FSTL4: variants seen among roughly 807,000 people sequenced by gnomAD.
The protein encoded by FSTL4 is follistatin-related protein 4.
Under a neutral mutation model 78.2 loss-of-function variants are expected in FSTL4, and 28 were observed. The observed-to-expected ratio is 0.36, with a 90% CI of 0.27 to 0.49. FSTL4 has a LOEUF of 0.49. Among genes scored for constraint, FSTL4 ranks in the 20% least tolerant of loss-of-function variants. The pLI, the probability that FSTL4 is intolerant of heterozygous loss-of-function variation, is 0.98. For missense variants in FSTL4, 922 were observed against 1,084.9 expected, an observed-to-expected ratio of 0.85 and a Z score of 2.11; for synonymous variants, 422 against 440.5, an observed-to-expected ratio of 0.96 and a Z score of 0.53.
At chr5:133,799,916 T>C in the FSTL4 span, among the ~76,000 whole-genome samples, 1 of 139,468 alleles carries the variant, frequency 7.2e-6, no homozygotes, top group Non-Finnish European at 1.6e-5. Context: ...GAAAGGCACC[T>C]GGTGATGTTC....
the FSTL4 span, among the ~76,000 whole-genome samples, chr5:133,754,048 T>C: frequency 1.3e-4 from 20 of 152,296 alleles, no homozygotes; most frequent in Admixed American, 3.9e-4. Context: ...GTACCATTCG[T>C]GCCCTGAGGA....
At chr5:133,697,440 A>G in the FSTL4 span, among the ~76,000 whole-genome samples, 1 of 152,146 alleles carries the variant, frequency 6.6e-6, no homozygotes, top group Non-Finnish European at 1.5e-5. Context: ...CCCAATGACA[A>G]ATATACACAT....
Position 133,220,739 on chromosome 5 carries a change from G to A in FSTL4, c.1458+9C>T. 1 of 1,410,570 alleles carries A rather than the reference G, an allele frequency of 7.1e-7. No homozygotes were observed. 87.4% of individuals were successfully genotyped at this position (1,410,570 alleles called of 1,614,324 possible). A position where few individuals can be genotyped will look rare whatever the true frequency, so the allele number is the denominator to read the frequency against. On this transcript the variant is annotated intron_variant, in intron 12 of 15. Transcript: ENST00000265342. ...TGATGTAGAAGCTGCCCCAGGCACA[G>A]TTACTTACATAGCTCATGAAAATCT... is the stretch of plus-strand genomic sequence containing the variant.
intron 4 of FSTL4, among the ~76,000 whole-genome samples, chr5:133,319,676 G>A (rs143618307): frequency 1.6e-4 from 25 of 152,308 alleles, no homozygotes; most frequent in East Asian, 5.8e-4. Flanking sequence ...GTGTGGCACC[G>A]TACATCATGC....
intron 3 of FSTL4, among the ~76,000 whole-genome samples, chr5:133,552,800 C>T (rs537603725): frequency 2.6e-5 from 4 of 152,198 alleles, no homozygotes; most frequent in East Asian, 3.9e-4. Flanking sequence ...TGTGGCTCAA[C>T]GAAAGTTCAG....
At chr5:133,232,621 G>A (rs1251188816) in intron 8 of FSTL4, among the ~76,000 whole-genome samples, 1 of 152,220 alleles carries the variant, frequency 6.6e-6, no homozygotes, top group Non-Finnish European at 1.5e-5. Flanking sequence ...ACGAGGTTGA[G>A]GCAGCCAGCA....
the FSTL4 span, among the ~76,000 whole-genome samples, chr5:133,638,570 C>T: frequency 3.9e-5 from 6 of 152,180 alleles, no homozygotes; most frequent in Non-Finnish European, 8.8e-5. Flanking sequence ...CTCACTCCCT[C>T]CTCTTCCAGA....
chr5:133,421,511 T>TC (rs34771201), intron 3 of FSTL4, among the ~76,000 whole-genome samples: 37,956 of 152,226 alleles, frequency 0.25, 4,997 homozygotes, highest in Admixed American at 0.3. Context: ...GATAAGAGTT[T>TC]CCCCATTCGC....
chr5:133,763,322 C>CATCTTGG, the FSTL4 span, among the ~76,000 whole-genome samples: 1 of 152,202 alleles, frequency 6.6e-6, no homozygotes, highest in African/African-American at 2.4e-5. Context: ...AGCCCTTCAA[C>CATCTTGG]ATCTTGGAAT....
At chr5:133,321,095 C>A (rs1348056455) in intron 4 of FSTL4, among the ~76,000 whole-genome samples, 1 of 152,006 alleles carries the variant, frequency 6.6e-6, no homozygotes, top group Non-Finnish European at 1.5e-5. Context: ...TCACCCCAGT[C>A]AGCCCTGCCC....
chr5:133,803,645 G>A, the FSTL4 span, among the ~76,000 whole-genome samples: 1 of 152,214 alleles, frequency 6.6e-6, no homozygotes, highest in African/African-American at 2.4e-5. Context: ...TCTGGGTGGA[G>A]TAGGGATGCT....
At chr5:133,541,643 T>C (rs949467021) in intron 3 of FSTL4, among the ~76,000 whole-genome samples, 1 of 152,132 alleles carries the variant, frequency 6.6e-6, no homozygotes, top group African/African-American at 2.4e-5. Context: ...TAACATGTTT[T>C]TTTCTTTTTA....
At chr5:133,253,006 C>T (rs184043228) in intron 6 of FSTL4, among the ~76,000 whole-genome samples, 1 of 152,328 alleles carries the variant, frequency 6.6e-6, no homozygotes, top group East Asian at 1.9e-4. Context: ...CTGCTCCTGT[C>T]AGCTACATGA....
chr5:133,496,694 C>T (rs1758372998), intron 3 of FSTL4, among the ~76,000 whole-genome samples: 1 of 152,132 alleles, frequency 6.6e-6, no homozygotes, highest in Non-Finnish European at 1.5e-5. Flanking sequence ...GGGAGGTGAT[C>T]CTGGCCTGCT....
chr5:133,570,989 A>G (rs1434628172), intron 2 of FSTL4, among the ~76,000 whole-genome samples: 1 of 152,208 alleles, frequency 6.6e-6, no homozygotes, highest in Admixed American at 6.5e-5. Context: ...AAAGGAAACC[A>G]GAAAGAAGTG....
intron 3 of FSTL4, among the ~76,000 whole-genome samples, chr5:133,418,814 A>G (rs1756634002): frequency 6.6e-6 from 1 of 152,236 alleles, no homozygotes; most frequent in African/African-American, 2.4e-5. Flanking sequence ...TTCGACATAT[A>G]TGTACACCCA....
At position 133,424,583 on chromosome 5, in the gene FSTL4, T is replaced by A. The variant is rs147257820; in HGVS notation, c.161-23597A>T. Among the ~76,000 whole-genome samples the A allele has an allele frequency of 1.1e-4, 17 of 152,278 alleles. 1 individual carries two copies. Among genetic ancestry groups the A allele is most frequent in the Middle Eastern group, 6.8e-3 (2 of 294 alleles). Reference sequence around the variant, plus strand: ...TGTGCTGTCCCACGGCGTCTCCAGGTTGGTGACACTCAAGCACTACAGGAA... The same window carrying A: ...TGTGCTGTCCCACGGCGTCTCCAGGATGGTGACACTCAAGCACTACAGGAA... On this transcript the variant is annotated intron_variant, in intron 3 of 15. Transcript: ENST00000265342.
intron 7 of FSTL4, among the ~76,000 whole-genome samples, chr5:133,239,181 G>C (rs1011736224): frequency 1.3e-5 from 2 of 152,084 alleles, no homozygotes; most frequent in African/African-American, 4.8e-5. Flanking sequence ...GCCTCCCTGC[G>C]GGGCAAGGCT....
At chr5:133,691,718 A>G in the FSTL4 span, among the ~76,000 whole-genome samples, 2 of 152,016 alleles carry the variant, frequency 1.3e-5, no homozygotes, top group Non-Finnish European at 2.9e-5. Flanking sequence ...TCACTCAACA[A>G]GCAGAGAAAT....
Sources: gnomAD v4.1 joint callset for allele counts (sites outside exome capture counted in the v4.1 genomes callset) on GRCh38, gnomAD v4.1.1 for gene constraint, MANE v1.5 for transcripts, NCBI Gene and HGNC (gene_info 2026-07-23, HGNC 2026-07-21) for gene names.